Variants in FGF14 observed in about 807,000 individuals in gnomAD.
The protein encoded by FGF14 is fibroblast growth factor homologous factor 4.
A neutral mutation model predicts 25.5 loss-of-function variants in FGF14; 5 were observed. The observed-to-expected ratio is 0.20, with a 90% CI of 0.10 to 0.41. The LOEUF (loss-of-function observed/expected upper bound fraction) is 0.41. Among genes scored for constraint, FGF14 ranks in the 10% least tolerant of loss-of-function variants. The pLI is 1.00. For synonymous variants in FGF14, 138 were observed against 118.3 expected (o/e 1.17, Z -1.08); for missense variants, 222 against 320.1 (o/e 0.69, Z 2.34).
At chr13:102,352,811 CAAAAAA>C (rs368786811) in intron 1 of FGF14, among the ~76,000 whole-genome samples, 1 of 62,132 alleles carries the variant, frequency 1.6e-5, no homozygotes. Flanking sequence ...GACTCTGTCT[CAAAAAA>C]AAAAAAAAAA....
At chr13:101,966,233 T>C (rs776617694) in intron 1 of FGF14, among the ~76,000 whole-genome samples, 1 of 152,126 alleles carries the variant, frequency 6.6e-6, no homozygotes, top group Non-Finnish European at 1.5e-5. Context: ...GGTGTTCTTA[T>C]AAAAATGGGA....
chr13:101,900,728 A>C (rs149096964), intron 1 of FGF14, among the ~76,000 whole-genome samples: 36 of 152,318 alleles, frequency 2.4e-4, no homozygotes, highest in African/African-American at 7.5e-4. Flanking sequence ...GTAGTGCTCT[A>C]TTCTTGATCC....
intron 3 of FGF14, among the ~76,000 whole-genome samples, chr13:101,772,329 T>G (rs546917715): frequency 6.6e-6 from 1 of 152,106 alleles, no homozygotes; most frequent in Admixed American, 6.6e-5. Context: ...ATATAATTAA[T>G]AGCAAATCGT....
intron 3 of FGF14, among the ~76,000 whole-genome samples, chr13:101,810,074 A>G (rs1177053870): frequency 6.6e-6 from 1 of 152,202 alleles, no homozygotes; most frequent in Non-Finnish European, 1.5e-5. Flanking sequence ...GTACTAAGAC[A>G]TAATGTCAAA....
At chr13:101,993,648 G>C (rs1183504135) in intron 1 of FGF14, among the ~76,000 whole-genome samples, 1 of 152,006 alleles carries the variant, frequency 6.6e-6, no homozygotes, top group Admixed American at 6.6e-5. Context: ...AACATTACTT[G>C]TAAGAGTATA....
chr13:102,360,937 A>G (rs1373264196), intron 1 of FGF14, among the ~76,000 whole-genome samples: 1 of 151,980 alleles, frequency 6.6e-6, no homozygotes, highest in African/African-American at 2.4e-5. Flanking sequence ...CATAAATTAC[A>G]AAGCAAAGAA....
At chr13:102,097,291 A>T (rs1454303202) in intron 1 of FGF14, among the ~76,000 whole-genome samples, 1 of 152,200 alleles carries the variant, frequency 6.6e-6, no homozygotes, top group African/African-American at 2.4e-5. Flanking sequence ...TCCAGAATTC[A>T]ACATTTTCCC....
chr13:101,812,643 ATATATATATATTTTTTTT>A (rs1157527004), intron 3 of FGF14, among the ~76,000 whole-genome samples: 6 of 10,080 alleles, frequency 6.0e-4, no homozygotes, highest in African/African-American at 1.8e-3. Context: ...ATATATATAT[ATATATATATATTTTTTTT>A]TTTTTTTTTT....
chr13:102,032,164 C>A (rs1258742938), intron 1 of FGF14, among the ~76,000 whole-genome samples: 2 of 152,120 alleles, frequency 1.3e-5, no homozygotes, highest in East Asian at 3.9e-4. Flanking sequence ...AGGACCTTAC[C>A]CACTGGGAGC....
chr13:102,199,582 C>T lies in FGF14; in HGVS notation c.208+201889G>A, dbSNP rs1002221879. ...CATTACAAAGTCTTTCCAAAGGGTC[C>T]GTCTATCCAGCCTCTTCTTTTTCAT... On this transcript the variant is annotated intron_variant, in intron 1 of 4. Coordinates refer to the FGF14 transcript ENST00000376131. Among the ~76,000 whole-genome samples, 11 of 152,234 alleles carry T rather than the reference C, an allele frequency of 7.2e-5. No individual in the cohort carries two copies. The South Asian group carries it at 1.2e-3, about 17-fold the overall frequency.
At chr13:102,129,934 AAT>A (rs1328087158) in intron 1 of FGF14, among the ~76,000 whole-genome samples, 1 of 152,192 alleles carries the variant, frequency 6.6e-6, no homozygotes, top group East Asian at 1.9e-4. Context: ...CAAAATCAGC[AAT>A]AGAGTGTTAC....
chr13:102,095,899 G>A (rs2044371656), intron 1 of FGF14, among the ~76,000 whole-genome samples: 1 of 151,490 alleles, frequency 6.6e-6, no homozygotes, highest in African/African-American at 2.4e-5. Flanking sequence ...AGTTATATAT[G>A]AATTTTCTAC....
chr13:101,787,599 G>C (rs1174833255), intron 3 of FGF14, among the ~76,000 whole-genome samples: 1 of 152,120 alleles, frequency 6.6e-6, no homozygotes, highest in Non-Finnish European at 1.5e-5. Context: ...TGTGCTTTCT[G>C]ATGACTGACT....
At chr13:102,052,738 G>GGAAGTTCATAATCACCA (rs1312568357) in intron 1 of FGF14, among the ~76,000 whole-genome samples, 6 of 152,038 alleles carry the variant, frequency 3.9e-5, no homozygotes, top group Non-Finnish European at 8.8e-5. Context: ...CAAAAGTTGA[G>GGAAGTTCATAATCACCA]GAAGTTCATA....
At chr13:101,953,581 T>TATATATATAC (rs1474604305) in intron 1 of FGF14, among the ~76,000 whole-genome samples, 3,719 of 149,834 alleles carry the variant, frequency 0.025, 79 homozygotes, top group Middle Eastern at 0.045. Flanking sequence ...TATATATATA[T>TATATATATAC]ATATATAATT....
chr13:102,301,096 C>CAATG (rs1202674592), intron 1 of FGF14, among the ~76,000 whole-genome samples: 3 of 152,068 alleles, frequency 2.0e-5, no homozygotes, highest in Non-Finnish European at 4.4e-5. Flanking sequence ...AATTGGCAAG[C>CAATG]AATGAGTCAA....
intron 1 of FGF14, among the ~76,000 whole-genome samples, chr13:102,298,825 G>A (rs551483356): frequency 5.3e-5 from 8 of 152,164 alleles, no homozygotes; most frequent in Admixed American, 1.3e-4. Context: ...TTAAAATTCC[G>A]GTGTCTGAGA....
At chr13:102,163,174 C>T (rs529481249) in intron 1 of FGF14, among the ~76,000 whole-genome samples, 3 of 152,140 alleles carry the variant, frequency 2.0e-5, no homozygotes, top group Non-Finnish European at 4.4e-5. Context: ...TGTCCAATTC[C>T]ATTAATAACC....
chr13:101,875,603 G>A (rs916108390), intron 1 of FGF14, among the ~76,000 whole-genome samples: 6 of 151,922 alleles, frequency 3.9e-5, no homozygotes, highest in East Asian at 1.9e-4. Flanking sequence ...AACTATAAAC[G>A]AATTATTATA....
Sources: allele counts gnomAD v4.1 joint callset (sites outside exome capture counted in the v4.1 genomes callset), GRCh38; gene constraint gnomAD v4.1.1; transcripts MANE v1.5; gene names NCBI Gene and HGNC (gene_info 2026-07-23, HGNC 2026-07-21).